MBOAT2: variants seen among roughly 807,000 people sequenced by gnomAD.
The protein encoded by MBOAT2 is membrane-bound glycerophospholipid O-acyltransferase 2.
MBOAT2 carries 28 observed loss-of-function variants against 63.4 expected under a neutral mutation model. The ratio of observed to expected loss-of-function variants is 0.44; its 90% CI spans 0.33 to 0.61. MBOAT2 has a LOEUF of 0.61. MBOAT2 is among the 20% of genes least tolerant of loss of function. The pLI, the probability that MBOAT2 is intolerant of heterozygous loss-of-function variation, is 0.03. For missense variants in MBOAT2, 470 were observed against 605.8 expected, an observed-to-expected ratio of 0.78 and a Z score of 2.35; for synonymous variants, 211 against 215.6, an observed-to-expected ratio of 0.98 and a Z score of 0.19.
At chr2:8,905,807 T>TA (rs1324106531) in intron 4 of MBOAT2, among the ~76,000 whole-genome samples, 1 of 152,178 alleles carries the variant, frequency 6.6e-6, no homozygotes, top group East Asian at 1.9e-4. Flanking sequence ...AGTATAATAA[T>TA]AAAAAAAGTT....
At chr2:8,906,879 C>T (rs561341427) in intron 4 of MBOAT2, among the ~76,000 whole-genome samples, 3 of 152,152 alleles carry the variant, frequency 2.0e-5, no homozygotes, top group South Asian at 2.1e-4. Context: ...ATGAAATATA[C>T]GGAATCCCAA....
At chr2:8,973,878 GAC>G (rs1670635257) in intron 1 of MBOAT2, among the ~76,000 whole-genome samples, 2 of 152,122 alleles carry the variant, frequency 1.3e-5, no homozygotes, top group Non-Finnish European at 2.9e-5. Context: ...AATATATACT[GAC>G]ATAACGTTAA....
At chr2:8,884,338 G>A (rs1663383304) in intron 5 of MBOAT2, among the ~76,000 whole-genome samples, 2 of 150,074 alleles carry the variant, frequency 1.3e-5, no homozygotes, top group African/African-American at 4.9e-5. Flanking sequence ...ATAATCAGGA[G>A]GAAAAAAACA....
chr2:8,902,611 TCTCA>T (rs1665036635), intron 4 of MBOAT2, among the ~76,000 whole-genome samples: 2 of 152,038 alleles, frequency 1.3e-5, no homozygotes, highest in South Asian at 2.1e-4. Context: ...GGGTTCGTGG[TCTCA>T]CTGACTTCAG....
At chr2:8,946,978 G>A (rs949563799) in intron 2 of MBOAT2, among the ~76,000 whole-genome samples, 3 of 152,222 alleles carry the variant, frequency 2.0e-5, no homozygotes, top group Non-Finnish European at 4.4e-5. Flanking sequence ...TAAGCTTAGT[G>A]ACGATGGTAT....
intron 1 of MBOAT2, among the ~76,000 whole-genome samples, chr2:8,970,054 C>A (rs1670331804): frequency 6.6e-6 from 1 of 152,226 alleles, no homozygotes; most frequent in African/African-American, 2.4e-5. Flanking sequence ...CACCCCAAAT[C>A]AAAAGAATAT....
intron 1 of MBOAT2, among the ~76,000 whole-genome samples, chr2:8,990,128 G>A (rs1671826184): frequency 6.6e-6 from 1 of 152,136 alleles, no homozygotes; most frequent in African/African-American, 2.4e-5. Flanking sequence ...TCTGAAATTT[G>A]AGGCCTAGGA....
intron 4 of MBOAT2, among the ~76,000 whole-genome samples, chr2:8,900,499 G>A (rs1664835280): frequency 6.6e-6 from 1 of 152,116 alleles, no homozygotes. Context: ...AGAGGGAGAA[G>A]GGGACATGTA....
intron 2 of MBOAT2, among the ~76,000 whole-genome samples, chr2:8,943,465 A>G (rs1268570384): frequency 6.6e-6 from 1 of 152,238 alleles, no homozygotes; most frequent in East Asian, 1.9e-4. Flanking sequence ...GCTGGGGGGA[A>G]AAAACAAGGC....
chr2:8,898,405 G>A (rs187546483), intron 4 of MBOAT2, among the ~76,000 whole-genome samples: 88 of 152,346 alleles, frequency 5.8e-4, no homozygotes, highest in African/African-American at 2.1e-3. Context: ...GCACGGATAA[G>A]CCAGTACAGC....
chr2:8,887,440 T>C (rs1458912500), intron 5 of MBOAT2, among the ~76,000 whole-genome samples: 1 of 152,102 alleles, frequency 6.6e-6, no homozygotes, highest in Non-Finnish European at 1.5e-5. Flanking sequence ...ACAGTAGGGC[T>C]CAAACTCATC....
At chr2:9,001,491 C>G (rs1176092130) in intron 1 of MBOAT2, among the ~76,000 whole-genome samples, 1 of 152,160 alleles carries the variant, frequency 6.6e-6, no homozygotes, top group Non-Finnish European at 1.5e-5. Flanking sequence ...CATAATCTTA[C>G]GAGACCACCA....
At chr2:8,868,058 G>A (rs967328845) in intron 9 of MBOAT2, among the ~76,000 whole-genome samples, 2 of 152,168 alleles carry the variant, frequency 1.3e-5, no homozygotes, top group Admixed American at 1.3e-4. Flanking sequence ...TCTACTTGGA[G>A]TGTCCGGTTG....
At chr2:8,946,619 C>A (rs757250717) in intron 2 of MBOAT2, among the ~76,000 whole-genome samples, 1 of 152,088 alleles carries the variant, frequency 6.6e-6, no homozygotes, top group Non-Finnish European at 1.5e-5. Flanking sequence ...GTCTCTCTGG[C>A]GTATTTTGGT....
intron 4 of MBOAT2, among the ~76,000 whole-genome samples, chr2:8,898,032 C>G (rs551396711): frequency 5.8e-4 from 88 of 152,324 alleles, no homozygotes; most frequent in African/African-American, 2.1e-3. Flanking sequence ...CACAACTATC[C>G]GTAAACAGTG....
At chr2:8,975,314 T>C (rs961977405) in intron 1 of MBOAT2, among the ~76,000 whole-genome samples, 1 of 152,122 alleles carries the variant, frequency 6.6e-6, no homozygotes, top group Non-Finnish European at 1.5e-5. Flanking sequence ...CAAAATACTT[T>C]TAAAGTAATT....
intron 1 of MBOAT2, among the ~76,000 whole-genome samples, chr2:8,980,651 T>G (rs1671134702): frequency 6.6e-6 from 1 of 152,114 alleles, no homozygotes; most frequent in Non-Finnish European, 1.5e-5. Flanking sequence ...AACCTTTTTA[T>G]AAAATATTAT....
intron 4 of MBOAT2, among the ~76,000 whole-genome samples, chr2:8,897,645 A>T (rs553454296): frequency 6.9e-6 from 1 of 144,680 alleles, no homozygotes; most frequent in East Asian, 1.9e-4. Context: ...ATCACTAACT[A>T]TGGCATAACC....
intron 4 of MBOAT2, among the ~76,000 whole-genome samples, chr2:8,896,023 G>A (rs921308072): frequency 6.6e-6 from 1 of 152,100 alleles, no homozygotes; most frequent in Non-Finnish European, 1.5e-5. Flanking sequence ...GGATCACGAG[G>A]TCAGAAGATC....
Sources: allele counts gnomAD v4.1 joint callset (sites outside exome capture counted in the v4.1 genomes callset), GRCh38; gene constraint gnomAD v4.1.1; transcripts MANE v1.5; gene names NCBI Gene and HGNC (gene_info 2026-07-23, HGNC 2026-07-21).